Variants in CNTN6 observed in about 807,000 individuals in gnomAD.
CNTN6 encodes the protein contactin-6.
Under a neutral mutation model 122.8 loss-of-function variants are expected in CNTN6, and 137 were observed. That is an observed-to-expected ratio of 1.12 (90% CI 0.97 to 1.29). The LOEUF (loss-of-function observed/expected upper bound fraction) is 1.29. Ranked by LOEUF, CNTN6 falls within the 50% of genes most tolerant of loss-of-function variation. The pLI, the probability that CNTN6 is intolerant of heterozygous loss-of-function variation, is 0.00. For synonymous variants in CNTN6, 570 were observed against 426.0 expected (o/e 1.34, Z -4.16); for missense variants, 1,634 against 1,223.4 (o/e 1.34, Z -5.01).
chr3:1,255,142 C>T (rs1399296092), intron 4 of CNTN6, among the ~76,000 whole-genome samples: 3 of 152,102 alleles, frequency 2.0e-5, no homozygotes, highest in Non-Finnish European at 2.9e-5. Context: ...TACACAGCTA[C>T]TTGAGGCATA....
At chr3:1,215,515 T>C (rs11922118) in intron 2 of CNTN6, among the ~76,000 whole-genome samples, 2,056 of 152,296 alleles carry the variant, frequency 0.013, 43 homozygotes, top group African/African-American at 0.042. Context: ...GGTCTCCAAA[T>C]TTATCTGGTT....
At chr3:1,252,743 C>G (rs759576451) in intron 4 of CNTN6, among the ~76,000 whole-genome samples, 5 of 152,228 alleles carry the variant, frequency 3.3e-5, no homozygotes, top group Non-Finnish European at 5.9e-5. Flanking sequence ...GGATACCACA[C>G]TCAAGGGGAA....
At chr3:1,120,875 AC>A (rs2091922580) in intron 1 of CNTN6, among the ~76,000 whole-genome samples, 1 of 151,846 alleles carries the variant, frequency 6.6e-6, no homozygotes, top group African/African-American at 2.4e-5. Flanking sequence ...TGGCTAAATT[AC>A]TTTCTTTATT....
At chr3:1,149,671 AAAT>A (rs1263056070) in intron 2 of CNTN6, among the ~76,000 whole-genome samples, 2 of 152,140 alleles carry the variant, frequency 1.3e-5, no homozygotes, top group African/African-American at 4.8e-5. Context: ...ATTTGGGGTT[AAAT>A]AATAGTGTAT....
chr3:1,246,381 C>T (rs139633190), intron 4 of CNTN6, among the ~76,000 whole-genome samples: 64 of 152,144 alleles, frequency 4.2e-4, no homozygotes, highest in African/African-American at 1.5e-3. Context: ...AGCTGTAGTT[C>T]ATTTTTCTGA....
chr3:1,236,307 C>T (rs886493467), intron 4 of CNTN6, among the ~76,000 whole-genome samples: 3 of 152,130 alleles, frequency 2.0e-5, no homozygotes, highest in African/African-American at 7.2e-5. Flanking sequence ...AACAAAAACG[C>T]AACCAAGGAC....
intron 1 of CNTN6, among the ~76,000 whole-genome samples, chr3:1,101,992 T>C (rs919455056): frequency 6.6e-6 from 1 of 152,150 alleles, no homozygotes; most frequent in Non-Finnish European, 1.5e-5. Flanking sequence ...TGAATAAAAG[T>C]GAGAATATTG....
chr3:1,104,185 A>G (rs879316474), intron 1 of CNTN6, among the ~76,000 whole-genome samples: 1 of 152,128 alleles, frequency 6.6e-6, no homozygotes, highest in East Asian at 1.9e-4. Flanking sequence ...GGGGGCTAAC[A>G]TTGTTAATTT....
intron 2 of CNTN6, among the ~76,000 whole-genome samples, chr3:1,202,347 T>C (rs946639659): frequency 8.5e-5 from 13 of 152,062 alleles, no homozygotes; most frequent in Non-Finnish European, 1.9e-4. Context: ...AAGACCATCC[T>C]GGCTAACACG....
At chr3:1,359,343 C>G (rs17038178) in intron 12 of CNTN6, among the ~76,000 whole-genome samples, 4,423 of 152,094 alleles carry the variant, frequency 0.029, 238 homozygotes, top group African/African-American at 0.1. Context: ...TTACATTTTA[C>G]AATATTATTT....
chr3:1,258,102 A>G (rs2094788881), intron 4 of CNTN6, among the ~76,000 whole-genome samples: 1 of 152,160 alleles, frequency 6.6e-6, no homozygotes, highest in African/African-American at 2.4e-5. Flanking sequence ...AATATATGTG[A>G]TTGAGATATT....
chr3:1,131,391 C>T (rs2125100842), intron 1 of CNTN6, among the ~76,000 whole-genome samples: 1 of 146,606 alleles, frequency 6.8e-6, no homozygotes, highest in Middle Eastern at 3.5e-3. Context: ...TCCTTCAGTG[C>T]CTCATTCAAA....
intron 11 of CNTN6, among the ~76,000 whole-genome samples, chr3:1,330,755 A>G (rs1400577366): frequency 6.6e-6 from 1 of 151,902 alleles, no homozygotes; most frequent in Non-Finnish European, 1.5e-5. Flanking sequence ...ATGGGCAGGT[A>G]AAAGGCCAGG....
intron 2 of CNTN6, among the ~76,000 whole-genome samples, chr3:1,200,818 TAAG>T (rs2093853180): frequency 6.6e-6 from 1 of 152,176 alleles, no homozygotes; most frequent in Non-Finnish European, 1.5e-5. Flanking sequence ...ACTTTTTCCT[TAAG>T]AAGAATAACT....
intron 5 of CNTN6, among the ~76,000 whole-genome samples, chr3:1,283,632 A>AC (rs772935667): frequency 6.6e-5 from 10 of 151,588 alleles, no homozygotes; most frequent in Non-Finnish European, 1.0e-4. Flanking sequence ...CAATAATTAA[A>AC]CCCCCCCTTC....
intron 20 of CNTN6, among the ~76,000 whole-genome samples, chr3:1,391,367 A>G (rs1238438492): frequency 9.0e-5 from 11 of 122,212 alleles, no homozygotes; most frequent in Non-Finnish European, 5.0e-5. Context: ...CTTCATGCTA[A>G]AAACTCTCAA....
rs150810978 is a variant in CNTN6 at position 1,254,912 on chromosome 3, G to A, written c.359-23501G>A. ...TTGGTCACGAATTTTTGGTTTACTC[G>A]GTGGTTCCTCTGGTCTTCTTGGGGT... On this transcript the variant is annotated intron_variant, in intron 4 of 22. Coordinates refer to ENST00000446702, the MANE Select transcript of CNTN6 (RefSeq NM_001289080.2). 2.4e-4 allele frequency among the ~76,000 whole-genome samples: 37 copies of A among 152,142 alleles called. 1 individual carries two copies. The highest frequency in any genetic ancestry group is 2.1e-3 in the East Asian group (11 of 5,178).
chr3:1,351,479 AT>A (rs1473405383), intron 11 of CNTN6, among the ~76,000 whole-genome samples: 1 of 150,826 alleles, frequency 6.6e-6, no homozygotes, highest in Non-Finnish European at 1.5e-5. Context: ...TTGGACGAAT[AT>A]TTTTGTTTTT....
intron 2 of CNTN6, among the ~76,000 whole-genome samples, chr3:1,196,658 T>C (rs2125407631): frequency 6.6e-6 from 1 of 152,278 alleles, no homozygotes; most frequent in South Asian, 2.1e-4. Context: ...CCAAAAACAA[T>C]GACAGCAAAA....
Sources: allele counts gnomAD v4.1 joint callset (sites outside exome capture counted in the v4.1 genomes callset), GRCh38; gene constraint gnomAD v4.1.1; transcripts MANE v1.5; gene names NCBI Gene and HGNC (gene_info 2026-07-23, HGNC 2026-07-21).